The following RRAGC variants were observed in gnomAD, a reference collection of about 807,000 sequenced individuals.
The protein encoded by RRAGC is ras-related GTP-binding protein C.
Under a neutral mutation model 37.1 loss-of-function variants are expected in RRAGC, and 8 were observed. That is an observed-to-expected ratio of 0.22 (90% CI 0.13 to 0.39). RRAGC has a LOEUF of 0.39. Among genes scored for constraint, RRAGC ranks in the 10% least tolerant of loss-of-function variants. The pLI is 1.00. For synonymous variants in RRAGC, 190 were observed against 181.1 expected (o/e 1.05, Z -0.39); for missense variants, 342 against 497.6 (o/e 0.69, Z 2.98).
At chr1:38,853,111 C>T (rs1393633195) in intron 3 of RRAGC, among the ~76,000 whole-genome samples, 1 of 152,168 alleles carries the variant, frequency 6.6e-6, no homozygotes, top group Non-Finnish European at 1.5e-5. Flanking sequence ...AGCCCACTTC[C>T]CTGAACAGTG....
At chr1:38,852,786 T>G (rs1642115700) in intron 3 of RRAGC, 1 of 172,810 alleles carries the variant, frequency 5.8e-6, no homozygotes, top group Non-Finnish European at 1.2e-5. Flanking sequence ...AAGCTTTTTT[T>G]AAGCACATAA....
At chr1:38,858,791 C>A (rs778569145) in intron 1 of RRAGC, among the ~76,000 whole-genome samples, 4 of 152,226 alleles carry the variant, frequency 2.6e-5, no homozygotes, top group Non-Finnish European at 5.9e-5. Flanking sequence ...GCAAAATATT[C>A]TCAAAGTCTC....
In RRAGC at chr1:38,859,460, T is replaced by C; in HGVS notation, c.187A>G (p.Arg63Gly). ...GPGGADSSKP[R>G]ILLMGLRRSG... ...CGCCGGAGTCCCATGAGCAGAATCC[T>C]CGGCTTGGAGCTGTCAGCGCCCCCC... is the stretch of plus-strand genomic sequence containing the variant. The change falls in exon 1 of 7, where the codon AGG becomes GGG. Residue 63 changes from arginine to glycine, a missense_variant. Physicochemically the swap from Arg to Gly is moderately radical, Grantham distance 125. Transcript: ENST00000373001. 1 of 1,548,252 alleles carries C rather than the reference T, an allele frequency of 6.5e-7. No homozygotes were observed. The highest frequency in any genetic ancestry group is 8.7e-7 in the Non-Finnish European group (1 of 1,146,650).
intron 6 of RRAGC, among the ~76,000 whole-genome samples, chr1:38,845,046 C>G (rs1642011467): frequency 6.6e-6 from 1 of 152,180 alleles, no homozygotes; most frequent in Non-Finnish European, 1.5e-5. Flanking sequence ...ATTATTTCAA[C>G]CATTGTGGAA....
At chr1:38,847,267 C>T (rs1378201561) in intron 5 of RRAGC, 1 of 152,028 alleles carries the variant, frequency 6.6e-6, no homozygotes, top group African/African-American at 2.4e-5. Flanking sequence ...TTAAACTATT[C>T]CAAGCCTTAC....
chr1:38,843,374 T>G (rs1290461788), intron 6 of RRAGC, among the ~76,000 whole-genome samples: 1 of 151,556 alleles, frequency 6.6e-6, no homozygotes, highest in Admixed American at 6.6e-5. Flanking sequence ...AGCTGAAAGG[T>G]GAAGATACAT....
In RRAGC at chr1:38,859,701, G is replaced by GCCGCCGCCTCCCCAGT. The variant is rs1205664769; in HGVS notation, c.-71_-56dup. The GCCGCCGCCTCCCCAGT allele has an allele frequency of 3.4e-5, 46 of 1,354,656 alleles. No homozygotes were observed. Among genetic ancestry groups the GCCGCCGCCTCCCCAGT allele is most frequent in the Middle Eastern group, 2.7e-4 (1 of 3,648 alleles). The allele number at this position is 1,354,656 out of a possible 1,614,324, so 83.9% of individuals were successfully genotyped here. ...GACAGGCCAGGCCAGGCCGAGCCAGGCCGCCGCCTCCCCAGTCCGCCTCCG... is the reference window on the plus strand; with the variant it reads ...GACAGGCCAGGCCAGGCCGAGCCAGGCCGCCGCCTCCCCAGTCCGCCGCCTCCCCAGTCCGCCTCCG... On this transcript the variant is annotated 5_prime_UTR_variant, in exon 1 of 7. Coordinates refer to ENST00000373001, the MANE Select transcript of RRAGC (RefSeq NM_022157.4).
intron 3 of RRAGC, among the ~76,000 whole-genome samples, chr1:38,853,267 G>C (rs1642122380): frequency 6.6e-6 from 1 of 152,216 alleles, no homozygotes; most frequent in Non-Finnish European, 1.5e-5. Flanking sequence ...ACTTACGGTG[G>C]AGAAGTAACA....
intron 4 of RRAGC, among the ~76,000 whole-genome samples, chr1:38,852,173 G>A (rs890266474): frequency 2.6e-5 from 4 of 152,152 alleles, no homozygotes; most frequent in African/African-American, 4.8e-5. Context: ...AGAATTACAC[G>A]TTGACATCAA....
At chr1:38,846,190 GA>G (rs1272938471) in intron 5 of RRAGC, 103 bp from the exon 6 acceptor site, 2 of 894,654 alleles carry the variant, frequency 2.2e-6, no homozygotes, top group East Asian at 4.9e-5. Context: ...ATGTCTCTGG[GA>G]AAGAATACTG....
chr1:38,851,244 C>T lies in RRAGC; in HGVS notation c.899+371G>A, dbSNP rs182084499. On this transcript the variant is annotated intron_variant, in intron 5 of 6. Transcript: ENST00000373001. ...AATTCCACAAAGCCTGAGGTTAAATCAGGAACCAGAACTTACTTTGTTATT... is the reference window on the plus strand; with the variant it reads ...AATTCCACAAAGCCTGAGGTTAAATTAGGAACCAGAACTTACTTTGTTATT... 5.5e-4 allele frequency among the ~76,000 whole-genome samples: 84 copies of T among 151,624 alleles called. No individual in the cohort carries two copies. The East Asian group carries it at 0.013, about 23-fold the overall frequency.
At chr1:38,843,018 A>T (rs1004430661) in intron 6 of RRAGC, among the ~76,000 whole-genome samples, 2 of 152,216 alleles carry the variant, frequency 1.3e-5, no homozygotes, top group Admixed American at 6.5e-5. Context: ...AAGGGATTTC[A>T]ATTGAGAAAA....
Position 38,839,430 on chromosome 1 carries a change from C to T in RRAGC, c.*123G>A. On this transcript the variant is annotated 3_prime_UTR_variant, in exon 7 of 7. Coordinates refer to ENST00000373001, the MANE Select transcript of RRAGC (RefSeq NM_022157.4). ...TTCATCCAAATGAGAAACTCTACCC[C>T]TTGTCTCTAGTGGAACAGGCACCAG... is the stretch of plus-strand genomic sequence containing the variant. 2 of 1,006,004 alleles carry T rather than the reference C, an allele frequency of 2.0e-6. No homozygotes were observed. Among genetic ancestry groups the T allele is most frequent in the Non-Finnish European group, 1.4e-6 (1 of 691,972 alleles). The allele number at this position is 1,006,004 out of a possible 1,614,324, so 62.3% of individuals were successfully genotyped here.
At chr1:38,841,682 T>A (rs551721869) in intron 6 of RRAGC, among the ~76,000 whole-genome samples, 6 of 150,838 alleles carry the variant, frequency 4.0e-5, no homozygotes, top group African/African-American at 1.2e-4. Flanking sequence ...AAAATTTTTT[T>A]AAGATTAAAA....
rs1642208196 is a variant in RRAGC at position 38,859,410 on chromosome 1, C to T, written c.237G>A (p.Lys79=). 6.5e-7 allele frequency: 1 copy of T among 1,548,134 alleles called. No homozygotes were observed. Among genetic ancestry groups the T allele is most frequent in the Non-Finnish European group, 8.7e-7 (1 of 1,146,408 alleles). The change falls in exon 1 of 7, where the codon AAG becomes AAA. Residue 79 remains lysine (K), a splice_region_variant and synonymous_variant. Coordinates refer to ENST00000373001, the MANE Select transcript of RRAGC (RefSeq NM_022157.4). ...LRRSGKSSIQ[K]VVFHKMSPNE... is the part of the protein sequence containing the mutation. ...GGGGACTGGGCGCAGCCCTGCTCACCTTCTGGATGGAGGACTTGCCGCTGC... is the reference window on the plus strand; with the variant it reads ...GGGGACTGGGCGCAGCCCTGCTCACTTTCTGGATGGAGGACTTGCCGCTGC...
At chr1:38,856,841 T>A (rs1415735700) in intron 2 of RRAGC, 38 bp downstream of exon 2, 1 of 1,583,162 alleles carries the variant, frequency 6.3e-7, no homozygotes, top group East Asian at 2.2e-5. Context: ...TACATCTTTT[T>A]CCCACCAGGA....
chr1:38,842,299 CAT>C (rs1341478615), intron 6 of RRAGC, among the ~76,000 whole-genome samples: 2 of 151,948 alleles, frequency 1.3e-5, no homozygotes, highest in South Asian at 2.1e-4. Flanking sequence ...AATAAACTAA[CAT>C]AGAGAAAAAT....
At position 38,846,044 on chromosome 1, in the gene RRAGC, T is replaced by C. The variant is rs779345543; in HGVS notation, c.943A>G (p.Met315Val). Reference sequence around the variant, plus strand: ...GTATTATTCAGCTTGATAATTGCCATAGATTCTTTGTCATAAGCACTTCCA... The same window carrying C: ...GTATTATTCAGCTTGATAATTGCCACAGATTCTTTGTCATAAGCACTTCCA... ...GSGSAYDKES[M>V]AIIKLNNTTV... The change falls in exon 6 of 7, where the codon ATG becomes GTG. Residue 315 changes from methionine to valine, a missense_variant. Coordinates refer to ENST00000373001, the MANE Select transcript of RRAGC (RefSeq NM_022157.4). 8.7e-6 allele frequency: 14 copies of C among 1,611,658 alleles called. No homozygotes were observed. The highest frequency in any genetic ancestry group is 2.2e-5 in the East Asian group (1 of 44,830).
chr1:38,840,531 T>C (rs1641950843), intron 6 of RRAGC, among the ~76,000 whole-genome samples: 1 of 152,154 alleles, frequency 6.6e-6, no homozygotes, highest in Non-Finnish European at 1.5e-5. Context: ...TGGTGTCAAA[T>C]TGACTACAAC....
Sources: allele counts gnomAD v4.1 joint callset (sites outside exome capture counted in the v4.1 genomes callset), GRCh38; gene constraint gnomAD v4.1.1; transcripts MANE v1.5; gene names NCBI Gene and HGNC (gene_info 2026-07-23, HGNC 2026-07-21).